The following DRD2 variants were observed in gnomAD, a reference collection of about 807,000 sequenced individuals.
DRD2 encodes dopamine receptor D2, also known as D(2) dopamine receptor.
In DRD2, 8 loss-of-function variants were observed where a neutral mutation model predicts 38.0. The observed-to-expected ratio is 0.21, with a 90% CI of 0.12 to 0.38. The LOEUF (loss-of-function observed/expected upper bound fraction) is 0.38, where lower values mean the gene tolerates loss of function less well. Ranked by LOEUF, DRD2 falls within the 10% of genes least tolerant of loss-of-function variation. The pLI is 1.00. For missense variants in DRD2, 403 were observed against 607.7 expected (o/e 0.66, Z 3.54); for synonymous variants, 230 against 238.6 (o/e 0.96, Z 0.33).
In DRD2 at chr11:113,409,717, C is replaced by T; in HGVS notation, c.*1010G>A. The stretch of plus-strand genomic sequence containing the variant: ...TGCAGCTTCCCCTCCTTCCTCAGGG[C>T]AGGGCCAGGCCAGGCCAGATGGTTT... On this transcript the variant is annotated 3_prime_UTR_variant, in exon 8 of 8. Coordinates refer to ENST00000362072, the MANE Select transcript of DRD2 (RefSeq NM_000795.4). 1 of 153,350 alleles carries T rather than the reference C, an allele frequency of 6.5e-6. No individual in the cohort carries two copies. The highest frequency in any genetic ancestry group is 1.5e-5 in the Non-Finnish European group (1 of 68,500). 9.5% of individuals were successfully genotyped at this position (153,350 alleles called of 1,614,324 possible).
chr11:113,410,831 C>T lies in DRD2; in HGVS notation c.1228G>A (p.Ala410Thr), dbSNP rs758683320. 2.1e-4 allele frequency: 332 copies of T among 1,614,014 alleles called. 3 individuals are homozygous for T. The Admixed American group carries it at 5.2e-3, about 25-fold the overall frequency. Residue 410 changes from alanine (A) to threonine (T), a missense_variant, in exon 8 of 8, where the codon GCC (alanine) becomes ACC (threonine). By Grantham distance (58) the Ala-to-Thr change is moderately conservative. This residue lies in a region of DRD2 where 67 missense variants were observed against 136.1 expected (regional missense o/e 0.49). Transcript: ENST00000362072. ...TTGACATAGCCCAGCCACGTGAAGGCGCTGTACAGGACAGGCGGGATGTTG... is the reference window on the plus strand; with the variant it reads ...TTGACATAGCCCAGCCACGTGAAGGTGCTGTACAGGACAGGCGGGATGTTG... ...DCNIPPVLYS[A>T]FTWLGYVNSA... is the part of the protein sequence containing the mutation.
chr11:113,420,953 C>T (rs61905363), intron 2 of DRD2, among the ~76,000 whole-genome samples: 3,563 of 152,276 alleles, frequency 0.023, 64 homozygotes, highest in South Asian at 0.035. Context: ...ACCTGCAGTA[C>T]AGGCCCTGAG....
At chr11:113,435,945 T>G (rs948838549) in intron 1 of DRD2, among the ~76,000 whole-genome samples, 1 of 152,252 alleles carries the variant, frequency 6.6e-6, no homozygotes, top group Non-Finnish European at 1.5e-5. Flanking sequence ...AAAATTGTTC[T>G]TCTTTATTAA....
intron 1 of DRD2, among the ~76,000 whole-genome samples, chr11:113,468,367 G>A (rs138717592): frequency 1.4e-4 from 22 of 152,298 alleles, no homozygotes; most frequent in African/African-American, 5.3e-4. Flanking sequence ...AACTCATGGT[G>A]AGGCTCAACA....
intron 1 of DRD2, among the ~76,000 whole-genome samples, chr11:113,445,465 G>A (rs929909867): frequency 6.6e-6 from 1 of 152,162 alleles, no homozygotes; most frequent in African/African-American, 2.4e-5. Context: ...AGGCACCTCC[G>A]ATACCCAGGT....
At chr11:113,414,835 G>A (rs1253927542) in intron 5 of DRD2, among the ~76,000 whole-genome samples, 1 of 152,182 alleles carries the variant, frequency 6.6e-6, no homozygotes, top group Non-Finnish European at 1.5e-5. Flanking sequence ...AGGTCACTCA[G>A]CAAAAAAAGT....
intron 5 of DRD2, 187 bp downstream of exon 5, chr11:113,415,234 G>A (rs954568242): frequency 1.8e-6 from 1 of 562,978 alleles, no homozygotes; most frequent in Middle Eastern, 4.8e-4. Context: ...TCCCTCTCCT[G>A]GAGACTCAGA....
chr11:113,463,485 G>A (rs1427220633), intron 1 of DRD2, among the ~76,000 whole-genome samples: 1 of 145,848 alleles, frequency 6.9e-6, no homozygotes, highest in Non-Finnish European at 1.6e-5. Flanking sequence ...TTCATGTGTA[G>A]AGTTAGTGTA....
chr11:113,412,773 G>A lies in DRD2; in HGVS notation c.921C>T (p.Leu307=). ...GGAGACCATGGTGGGACGGGTCGGG[G>A]AGAGTCAGCTGGTGGTGGCTGGGTG... is the stretch of plus-strand genomic sequence containing the variant. ...PIPPSHHQLT[L]PDPSHHGLHS... The change falls in exon 7 of 8, where the codon CTC becomes CTT. Residue 307 remains leucine (L), a synonymous_variant. Transcript: ENST00000362072. 6.2e-7 allele frequency: 1 copy of A among 1,613,794 alleles called. No homozygotes were observed. Among genetic ancestry groups the A allele is most frequent in the Admixed American group, 1.7e-5 (1 of 60,016 alleles).
chr11:113,452,257 A>G (rs1046647022), intron 1 of DRD2, among the ~76,000 whole-genome samples: 5 of 152,174 alleles, frequency 3.3e-5, no homozygotes, highest in African/African-American at 9.7e-5. Flanking sequence ...AGAAAGGGCA[A>G]TGTTGTCTGA....
chr11:113,417,150 T>G (rs1565661313), intron 3 of DRD2, 151 bp from the exon 4 acceptor site: 1 of 1,181,518 alleles, frequency 8.5e-7, no homozygotes, highest in Non-Finnish European at 1.2e-6. Flanking sequence ...CAACCCTCCC[T>G]CCTGTCCCCA....
intron 1 of DRD2, among the ~76,000 whole-genome samples, chr11:113,434,459 C>G (rs977195149): frequency 6.6e-6 from 1 of 152,180 alleles, no homozygotes; most frequent in African/African-American, 2.4e-5. Flanking sequence ...TCCTGTTGAC[C>G]CTCTGGGTCC....
chr11:113,446,639 G>A (rs1951152481), intron 1 of DRD2, among the ~76,000 whole-genome samples: 1 of 152,146 alleles, frequency 6.6e-6, no homozygotes. Context: ...TTAACATACT[G>A]CAAATGCAAG....
At chr11:113,425,242 G>A (rs911454562) in intron 1 of DRD2, among the ~76,000 whole-genome samples, 3 of 152,210 alleles carry the variant, frequency 2.0e-5, no homozygotes, top group Non-Finnish European at 4.4e-5. Context: ...CCTAGTTCAG[G>A]TATTCAGGGA....
chr11:113,472,752 T>C (rs1951442174), intron 1 of DRD2, among the ~76,000 whole-genome samples: 1 of 152,124 alleles, frequency 6.6e-6, no homozygotes, highest in Non-Finnish European at 1.5e-5. Flanking sequence ...TCACAGCACA[T>C]GCATAATGAA....
At chr11:113,465,742 G>A (rs371194894) in intron 1 of DRD2, among the ~76,000 whole-genome samples, 3 of 152,324 alleles carry the variant, frequency 2.0e-5, no homozygotes, top group South Asian at 4.1e-4. Context: ...GTAACATTGG[G>A]TTCTTTCAAG....
rs201735014 is a variant in DRD2 at position 113,412,607 on chromosome 11, G to T, written c.1087C>A (p.Leu363Ile). ...TSLKTMSRRK[L>I]SQQKEKKATQ... Reference sequence around the variant, plus strand: ...GCTTTCTTCTCCTTCTGCTGGGAGAGCTTCCTACGGCTCATGGTCTTGAGG... The same window carrying T: ...GCTTTCTTCTCCTTCTGCTGGGAGATCTTCCTACGGCTCATGGTCTTGAGG... The change falls in exon 7 of 8, where the codon CTC becomes ATC. Residue 363 changes from leucine (L) to isoleucine (I), a missense_variant. By Grantham distance (5) the Leu-to-Ile change is conservative (BLOSUM62 2). Around this residue, in one of 4 missense-constraint regions of DRD2, gnomAD observed 67 missense variants for 136.1 expected, o/e 0.49. Coordinates refer to ENST00000362072, the MANE Select transcript of DRD2 (RefSeq NM_000795.4). 1.9e-6 allele frequency: 3 copies of T among 1,614,186 alleles called. No individual in the cohort carries two copies. Among genetic ancestry groups the T allele is most frequent in the Non-Finnish European group, 2.5e-6 (3 of 1,180,034 alleles).
intron 1 of DRD2, among the ~76,000 whole-genome samples, chr11:113,439,994 C>T (rs987771653): frequency 6.6e-6 from 1 of 151,936 alleles, no homozygotes; most frequent in African/African-American, 2.4e-5. Context: ...CTACAGGGCT[C>T]TCTGACTCCT....
chr11:113,448,730 G>A (rs4274224), intron 1 of DRD2, among the ~76,000 whole-genome samples: 75,634 of 151,890 alleles, frequency 0.5, 20,338 homozygotes, highest in East Asian at 0.82. Context: ...GGCCTCATTC[G>A]GGTTCCCTAG....
Sources: gnomAD v4.1 joint callset for allele counts (sites outside exome capture counted in the v4.1 genomes callset) on GRCh38, gnomAD v4.1.1 for gene constraint, gnomAD v4.1.1 regional missense constraint, MANE v1.5 for transcripts, NCBI Gene and HGNC (gene_info 2026-07-23, HGNC 2026-07-21) for gene names.